Variants in SPAG17 observed in about 807,000 individuals in gnomAD.
SPAG17 encodes the protein sperm associated antigen 17.
A neutral mutation model predicts 273.6 loss-of-function variants in SPAG17; 169 were observed. The ratio of observed to expected loss-of-function variants is 0.62; its 90% CI spans 0.55 to 0.70. The LOEUF is 0.70. SPAG17 is among the 30% of genes least tolerant of loss of function. The pLI is 0.00. For missense variants in SPAG17, 2,557 were observed against 2,627.8 expected, an observed-to-expected ratio of 0.97 and a Z score of 0.59; for synonymous variants, 825 against 873.2, an observed-to-expected ratio of 0.94 and a Z score of 0.97.
intron 28 of SPAG17, 35 bp from the exon 29 acceptor site, chr1:118,016,217 A>T (rs1253068822): frequency 6.6e-7 from 1 of 1,508,748 alleles, no homozygotes; most frequent in Non-Finnish European, 9.2e-7. Flanking sequence ...CAACAACAAT[A>T]TAACTATAGT....
At chr1:118,078,406 C>T (rs541450487) in intron 15 of SPAG17, among the ~76,000 whole-genome samples, 2 of 152,130 alleles carry the variant, frequency 1.3e-5, no homozygotes, top group East Asian at 3.9e-4. Context: ...ACAGTAAAGT[C>T]TCAGCACTCC....
chr1:117,958,019 G>C (rs557185841), intron 48 of SPAG17, among the ~76,000 whole-genome samples: 1 of 152,278 alleles, frequency 6.6e-6, no homozygotes, highest in South Asian at 2.1e-4. Context: ...TATGCACAAA[G>C]GCTTGATATT....
chr1:118,149,694 C>CGATT (rs1659267142), intron 3 of SPAG17, among the ~76,000 whole-genome samples: 1 of 152,162 alleles, frequency 6.6e-6, no homozygotes, highest in Non-Finnish European at 1.5e-5. Flanking sequence ...CGTATGTAAT[C>CGATT]ACCCAAGACC....
At chr1:117,992,331 C>A in intron 36 of SPAG17, 135 bp downstream of exon 36, 1 of 797,602 alleles carries the variant, frequency 1.3e-6, no homozygotes, top group Non-Finnish European at 1.9e-6. Flanking sequence ...ACCCTCTACT[C>A]TGAAAGACTG....
intron 1 of SPAG17, among the ~76,000 whole-genome samples, chr1:118,166,188 C>A (rs1040273360): frequency 6.6e-6 from 1 of 152,062 alleles, no homozygotes; most frequent in Non-Finnish European, 1.5e-5. Flanking sequence ...CCACCCAAAC[C>A]GGCACATTAC....
intron 3 of SPAG17, among the ~76,000 whole-genome samples, chr1:118,131,995 A>G (rs1658077833): frequency 6.6e-6 from 1 of 152,234 alleles, no homozygotes; most frequent in South Asian, 2.1e-4. Context: ...CAAAGACAAA[A>G]GAAGCAGGCC....
At chr1:118,095,052 T>A (rs1226787361) in intron 7 of SPAG17, among the ~76,000 whole-genome samples, 1 of 152,222 alleles carries the variant, frequency 6.6e-6, no homozygotes, top group Non-Finnish European at 1.5e-5. Context: ...GTCAGGAATG[T>A]TCTACCATAA....
chr1:118,063,721 C>T (rs947465469), intron 18 of SPAG17, among the ~76,000 whole-genome samples: 8 of 152,052 alleles, frequency 5.3e-5, no homozygotes, highest in African/African-American at 9.7e-5. Flanking sequence ...CAACAAAAGC[C>T]GAAATTGACA....
chr1:118,075,986 C>A (rs1654052732), intron 15 of SPAG17, among the ~76,000 whole-genome samples: 1 of 152,026 alleles, frequency 6.6e-6, no homozygotes, highest in South Asian at 2.1e-4. Flanking sequence ...TGTCTCTCCA[C>A]CTCATATGTA....
chr1:117,990,401 T>C (rs1656949078), intron 38 of SPAG17, among the ~76,000 whole-genome samples: 1 of 152,166 alleles, frequency 6.6e-6, no homozygotes, highest in Non-Finnish European at 1.5e-5. Flanking sequence ...TGTGTATATA[T>C]ACCTCCAAAT....
intron 20 of SPAG17, among the ~76,000 whole-genome samples, chr1:118,045,371 C>T (rs144522207): frequency 6.6e-6 from 1 of 152,252 alleles, no homozygotes; most frequent in East Asian, 1.9e-4. Flanking sequence ...GCCCACATAA[C>T]GAAACCTCCG....
In SPAG17 at chr1:118,073,898, C is replaced by T. The variant is rs1369196813; in HGVS notation, c.2341G>A (p.Asp781Asn). The stretch of plus-strand genomic sequence containing the variant: ...TTAAAATGTTCAGTAAAACTCCAGT[C>T]CATTAGACTGCGCTGCTGTGTTTTC... ...IKKTQQRSLM[D>N]WSFTEHFKPK... Residue 781 changes from aspartate (D) to asparagine (N), a missense_variant, in exon 17 of 49, where the codon GAC becomes AAC. Asp to Asn is a conservative substitution (Grantham distance 23). Coordinates refer to ENST00000336338, the MANE Select transcript of SPAG17 (RefSeq NM_206996.4). The T allele has an allele frequency of 1.3e-6, 2 of 1,577,522 alleles. No individual in the cohort carries two copies. Among genetic ancestry groups the T allele is most frequent in the Admixed American group, 2.0e-5 (1 of 50,396 alleles).
In SPAG17 at chr1:118,086,680, G is replaced by A. The variant is rs138581446; in HGVS notation, c.1602C>T (p.Tyr534=). 1.5e-4 allele frequency: 239 copies of A among 1,613,956 alleles called. 1 individual carries two copies. The African/African-American group carries it at 2.2e-3, about 15-fold the overall frequency. Residue 534 remains tyrosine (Y), a synonymous_variant, in exon 12 of 49, where the codon TAC becomes TAT. Transcript: ENST00000336338. ...ACCTGATTATTATTACCTGTAGTGC[G>A]TACTTCTTGTGGGCGTGTGCATCAT... The part of the protein sequence containing the change: ...NYHDAHAHKK[Y]ALQDQKNFDP...
chr1:117,982,246 T>A (rs967763636), intron 42 of SPAG17, among the ~76,000 whole-genome samples: 1 of 150,806 alleles, frequency 6.6e-6, no homozygotes, highest in Non-Finnish European at 1.5e-5. Flanking sequence ...TGCTTATTTT[T>A]TTTTTTTTTT....
chr1:118,130,442 C>A (rs532013957), intron 3 of SPAG17, among the ~76,000 whole-genome samples: 1 of 152,324 alleles, frequency 6.6e-6, no homozygotes, highest in East Asian at 1.9e-4. Flanking sequence ...TACATATTGA[C>A]ACTGGGGTGA....
At chr1:118,043,642 T>C (rs1436485265) in intron 20 of SPAG17, among the ~76,000 whole-genome samples, 1 of 152,194 alleles carries the variant, frequency 6.6e-6, no homozygotes, top group African/African-American at 2.4e-5. Context: ...AATCAGCTAT[T>C]GTAGGGGTAC....
chr1:118,005,074 G>T (rs757568080), intron 32 of SPAG17, among the ~76,000 whole-genome samples: 1 of 152,108 alleles, frequency 6.6e-6, no homozygotes, highest in Non-Finnish European at 1.5e-5. Flanking sequence ...TCTTGTGTTT[G>T]CTCTGACTTC....
At chr1:117,979,924 C>T (rs144521482) in intron 43 of SPAG17, among the ~76,000 whole-genome samples, 32 of 152,292 alleles carry the variant, frequency 2.1e-4, no homozygotes, top group African/African-American at 7.7e-4. Flanking sequence ...AAGTCACTGT[C>T]CATACATTGT....
At chr1:118,113,304 T>C (rs2102250859) in intron 4 of SPAG17, among the ~76,000 whole-genome samples, 2 of 152,282 alleles carry the variant, frequency 1.3e-5, no homozygotes, top group East Asian at 3.9e-4. Context: ...CTTTTCTTTT[T>C]TTCATATTCT....
Sources: gnomAD v4.1 joint callset for allele counts (sites outside exome capture counted in the v4.1 genomes callset) on GRCh38, gnomAD v4.1.1 for gene constraint, MANE v1.5 for transcripts, NCBI Gene and HGNC (gene_info 2026-07-23, HGNC 2026-07-21) for gene names.